The following COMMD1 variants were observed in gnomAD, a reference collection of about 807,000 sequenced individuals.
COMMD1 encodes COMM domain-containing protein 1.
In COMMD1, 10 loss-of-function variants were observed where a neutral mutation model predicts 17.2. That is an observed-to-expected ratio of 0.58 (90% CI 0.36 to 0.99). The LOEUF is 0.99. COMMD1 is among the 50% of genes least tolerant of loss of function. The pLI is 0.01. For synonymous variants in COMMD1, 97 were observed against 91.6 expected (o/e 1.06, Z -0.34); for missense variants, 270 against 231.8 (o/e 1.17, Z -1.07).
intron 2 of COMMD1, among the ~76,000 whole-genome samples, chr2:62,040,411 T>A (rs1670157631): frequency 6.6e-6 from 1 of 152,224 alleles, no homozygotes; most frequent in Non-Finnish European, 1.5e-5. Flanking sequence ...TTCCCTATGT[T>A]CTCAGTGAAA....
intron 2 of COMMD1, among the ~76,000 whole-genome samples, chr2:62,103,272 G>A (rs1159657139): frequency 2.0e-5 from 3 of 152,052 alleles, no homozygotes; most frequent in Admixed American, 6.6e-5. Flanking sequence ...CACTGCGCCC[G>A]GCCTCCAATC....
At chr2:61,891,181 G>T (rs1213231327) in intron 1 of COMMD1, among the ~76,000 whole-genome samples, 2 of 152,212 alleles carry the variant, frequency 1.3e-5, no homozygotes, top group African/African-American at 4.8e-5. Context: ...AGTTCTACCA[G>T]TGTAAGGAGT....
intron 1 of COMMD1, among the ~76,000 whole-genome samples, chr2:61,978,541 A>C (rs567847682): frequency 6.6e-6 from 1 of 152,192 alleles, no homozygotes; most frequent in Non-Finnish European, 1.5e-5. Flanking sequence ...ATTTTAAAAT[A>C]ACAGTCATTT....
intron 2 of COMMD1, among the ~76,000 whole-genome samples, chr2:62,040,664 T>G (rs963507715): frequency 6.6e-6 from 1 of 152,180 alleles, no homozygotes; most frequent in African/African-American, 2.4e-5. Context: ...GTTTACTTTT[T>G]GGTTGTGTCA....
chr2:61,920,983 T>TATATATA (rs376047252), intron 1 of COMMD1, among the ~76,000 whole-genome samples: 1 of 101,884 alleles, frequency 9.8e-6, no homozygotes, highest in South Asian at 3.0e-4. Flanking sequence ...ATATATATAT[T>TATATATA]TTTTTTTTTT....
intron 1 of COMMD1, among the ~76,000 whole-genome samples, chr2:61,982,332 T>C (rs1300379459): frequency 5.3e-5 from 8 of 152,218 alleles, no homozygotes; most frequent in Admixed American, 6.5e-5. Flanking sequence ...GATTTTCGTA[T>C]GTTAATTTTG....
chr2:62,107,871 A>G (rs772307418), intron 2 of COMMD1, among the ~76,000 whole-genome samples: 15 of 152,202 alleles, frequency 9.9e-5, no homozygotes, highest in Non-Finnish European at 1.9e-4. Context: ...CTTCCTCATA[A>G]TAGCTCTCCA....
chr2:61,953,199 G>A (rs938573309), intron 1 of COMMD1, among the ~76,000 whole-genome samples: 3 of 151,760 alleles, frequency 2.0e-5, no homozygotes, highest in East Asian at 1.9e-4. Flanking sequence ...TAGTGGTGAC[G>A]GGGTTTCACC....
chr2:62,120,134 A>G (rs558597858), intron 2 of COMMD1, among the ~76,000 whole-genome samples: 10 of 152,142 alleles, frequency 6.6e-5, no homozygotes, highest in Admixed American at 5.9e-4. Context: ...CTGAAGAGCT[A>G]GGATTACAGG....
intron 2 of COMMD1, among the ~76,000 whole-genome samples, chr2:62,061,509 T>G (rs919352933): frequency 1.3e-5 from 2 of 152,114 alleles, no homozygotes; most frequent in East Asian, 3.8e-4. Context: ...CAGTAGAGTT[T>G]ATATGCAGAG....
intron 2 of COMMD1, among the ~76,000 whole-genome samples, chr2:62,061,554 C>CTTTTTT (rs57638195): frequency 2.4e-4 from 32 of 131,532 alleles, no homozygotes; most frequent in Non-Finnish European, 3.8e-4. Flanking sequence ...TCTTTCTTTT[C>CTTTTTT]TTTTTTTTTT....
chr2:61,910,502 G>A (rs1304325173), intron 1 of COMMD1, among the ~76,000 whole-genome samples: 1 of 152,084 alleles, frequency 6.6e-6, no homozygotes, highest in African/African-American at 2.4e-5. Context: ...CCTCCTTGGC[G>A]TCCCATAGTG....
intron 1 of COMMD1, among the ~76,000 whole-genome samples, chr2:61,977,588 A>C (rs960733292): frequency 1.1e-4 from 17 of 152,106 alleles, no homozygotes; most frequent in African/African-American, 3.6e-4. Context: ...AATTGTTTCT[A>C]AAGGTATTCT....
intron 2 of COMMD1, among the ~76,000 whole-genome samples, chr2:62,054,085 C>G (rs111683058): frequency 6.6e-6 from 1 of 152,072 alleles, no homozygotes; most frequent in Non-Finnish European, 1.5e-5. Flanking sequence ...AAATGGCCAA[C>G]AGGTATATGA....
intron 1 of COMMD1, among the ~76,000 whole-genome samples, chr2:61,990,891 A>T (rs6545919): frequency 0.57 from 58,272 of 103,054 alleles, 14,768 homozygotes; most frequent in African/African-American, 0.73. Flanking sequence ...AAAAAAAAAA[A>T]ATATATATAT....
At chr2:62,122,366 C>G (rs1018602123) in intron 2 of COMMD1, among the ~76,000 whole-genome samples, 1 of 151,880 alleles carries the variant, frequency 6.6e-6, no homozygotes, top group Non-Finnish European at 1.5e-5. Context: ...CAGGGGTTAG[C>G]CAGTGATAGG....
At chr2:62,043,985 A>T (rs1463048888) in intron 2 of COMMD1, among the ~76,000 whole-genome samples, 1 of 151,982 alleles carries the variant, frequency 6.6e-6, no homozygotes, top group Non-Finnish European at 1.5e-5. Context: ...TTTGTTTTTT[A>T]GTGAGGTGGG....
chr2:62,016,122 G>A (rs931707870), intron 2 of COMMD1, among the ~76,000 whole-genome samples: 1 of 150,992 alleles, frequency 6.6e-6, no homozygotes, highest in African/African-American at 2.4e-5. Flanking sequence ...CGTGAGCCAC[G>A]ATGCCCGGCC....
At chr2:62,092,268 T>G (rs1272675590) in intron 2 of COMMD1, among the ~76,000 whole-genome samples, 2 of 152,164 alleles carry the variant, frequency 1.3e-5, no homozygotes, top group African/African-American at 2.4e-5. Context: ...AGTTAAAACA[T>G]TCAGGGTTTT....
Sources: gnomAD v4.1 joint callset for allele counts (sites outside exome capture counted in the v4.1 genomes callset) on GRCh38, gnomAD v4.1.1 for gene constraint, MANE v1.5 for transcripts, NCBI Gene and HGNC (gene_info 2026-07-23, HGNC 2026-07-21) for gene names.